The following NAGK variants were observed in gnomAD, a reference collection of about 807,000 sequenced individuals.
NAGK encodes the protein N-acetylglucosamine kinase.
NAGK carries 35 observed loss-of-function variants against 42.9 expected under a neutral mutation model. That is an observed-to-expected ratio of 0.82 (90% CI 0.62 to 1.08). The LOEUF is 1.08. NAGK is among the 50% of genes least tolerant of loss of function. The pLI is 0.00. For missense variants in NAGK, 446 were observed against 446.0 expected, an observed-to-expected ratio of 1.00 and a Z score of 0.00; for synonymous variants, 172 against 176.0, an observed-to-expected ratio of 0.98 and a Z score of 0.18.
At chr2:71,072,776 C>T (rs912821627) in intron 5 of NAGK, 25 bp downstream of exon 5, 3 of 1,589,532 alleles carry the variant, frequency 1.9e-6, no homozygotes, top group Non-Finnish European at 2.6e-6. Context: ...TGGCCCAGCT[C>T]CAGGTCCTGG....
intron 7 of NAGK, 110 bp from the exon 8 acceptor site, chr2:71,076,494 T>G: frequency 6.0e-6 from 5 of 834,054 alleles, no homozygotes; most frequent in Non-Finnish European, 9.5e-6. Context: ...AGTAGACTCC[T>G]AGCTCAGGGT....
rs527664533 is a variant in NAGK, at chr2:71,070,630, T to C, written c.114+44T>C. ...GGATCAGAGGGCTTGGTTCTGATTTTATTCTCTGTAATTCCTGTTGAGGTG... is the reference window on the plus strand; with the variant it reads ...GGATCAGAGGGCTTGGTTCTGATTTCATTCTCTGTAATTCCTGTTGAGGTG... On this transcript the variant is annotated intron_variant, in intron 2 of 9. Coordinates refer to ENST00000244204, the MANE Select transcript of NAGK (RefSeq NM_017567.6). The C allele has an allele frequency of 1.7e-5, 28 of 1,607,268 alleles. No individual in the cohort carries two copies. In the East Asian group the frequency reaches 6.2e-4, roughly 36 times the overall value.
upstream of NAGK, chr2:71,068,545 C>G: frequency 6.8e-7 from 1 of 1,475,128 alleles, no homozygotes; most frequent in Non-Finnish European, 9.0e-7. Flanking sequence ...CCGCCCCGCG[C>G]ATGCGCACGC....
At position 71,073,601 on chromosome 2, in the gene NAGK, C is replaced by A. The variant is rs370938067; in HGVS notation, c.579+7C>A. The A allele has an allele frequency of 1.5e-4, 242 of 1,599,176 alleles. 1 individual carries two copies. In the African/African-American group the frequency reaches 3.0e-3, roughly 20 times the overall value. ...CATGTTCCACTATTTCCAGGTACTC[C>A]TCCTGCTCCCAGTAAACATGCGCAC... On this transcript the variant is annotated splice_region_variant and intron_variant, in intron 6 of 9. Coordinates refer to ENST00000244204, the MANE Select transcript of NAGK (RefSeq NM_017567.6).
At position 71,072,635 on chromosome 2, in the gene NAGK, C is replaced by T; in HGVS notation, c.356-6C>T. 1.2e-6 allele frequency: 2 copies of T among 1,611,656 alleles called. No homozygotes were observed. The highest frequency in any genetic ancestry group is 8.5e-7 in the Non-Finnish European group (1 of 1,177,856). The stretch of plus-strand genomic sequence containing the variant: ...CCACACTGAGCCTCCTATTCCCTTT[C>T]CCCAGGTGGAGTTGTGCTCATATCT... On this transcript the variant is annotated splice_region_variant and splice_polypyrimidine_tract_variant and intron_variant, in intron 4 of 9. Transcript: ENST00000244204.
rs767029022 is a variant in NAGK at position 71,072,754 on chromosome 2, G to A, written c.466+3G>A. On this transcript the variant is annotated splice_donor_region_variant and intron_variant, in intron 5 of 9. Transcript: ENST00000244204. ...TATGATGGGTGATGAGGGTTCAGGTGAGCTCACTGACTGGCCCAGCTCCAG... is the reference window on the plus strand; with the variant it reads ...TATGATGGGTGATGAGGGTTCAGGTAAGCTCACTGACTGGCCCAGCTCCAG... The A allele has an allele frequency of 5.6e-6, 9 of 1,611,748 alleles. No individual in the cohort carries two copies. Among genetic ancestry groups the A allele is most frequent in the Non-Finnish European group, 7.6e-6 (9 of 1,178,288 alleles).
At chr2:71,071,451 T>C in intron 3 of NAGK, 1 of 552,844 alleles carries the variant, frequency 1.8e-6, no homozygotes, top group Admixed American at 3.3e-5. Context: ...CCTTCCAAGC[T>C]CCAAAGCTGG....
At chr2:71,070,644 C>G (rs560970140) in intron 2 of NAGK, 58 bp downstream of exon 2, 5 of 1,605,128 alleles carry the variant, frequency 3.1e-6, no homozygotes, top group Admixed American at 1.7e-5. Context: ...CTCTGTAATT[C>G]CTGTTGAGGT....
chr2:71,068,447 G>A (rs1384873311), upstream of NAGK: 7 of 1,372,530 alleles, frequency 5.1e-6, no homozygotes, highest in East Asian at 3.0e-5. Flanking sequence ...GGGAGGGGCC[G>A]CTGCGGACCG....
Position 71,078,543 on chromosome 2 carries a change from G to C in NAGK, c.*35G>C, listed in dbSNP as rs1283627077. The C allele has an allele frequency of 6.8e-7, 1 of 1,471,842 alleles. No individual in the cohort carries two copies. Among genetic ancestry groups the C allele is most frequent in the South Asian group, 1.4e-5 (1 of 72,444 alleles). 91.2% of individuals were successfully genotyped at this position (1,471,842 alleles called of 1,614,324 possible). On this transcript the variant is annotated 3_prime_UTR_variant, in exon 10 of 10. Coordinates refer to ENST00000244204, the MANE Select transcript of NAGK (RefSeq NM_017567.6). ...CCCGGCTCCACCCCCTCCAAGCTCAGTGGACACTGGGTCTGAAAGGAAGGA... is the reference window on the plus strand; with the variant it reads ...CCCGGCTCCACCCCCTCCAAGCTCACTGGACACTGGGTCTGAAAGGAAGGA...
chr2:71,068,520 G>C (rs993787670), upstream of NAGK: 26 of 1,452,346 alleles, frequency 1.8e-5, no homozygotes, highest in African/African-American at 3.0e-5. Context: ...GCCATCCCCG[G>C]CTCCTACCGG....
At chr2:71,076,918 TA>T (rs1464986144) in intron 8 of NAGK, among the ~76,000 whole-genome samples, 1 of 152,192 alleles carries the variant, frequency 6.6e-6, no homozygotes, top group East Asian at 1.9e-4. Context: ...TTATGTATAG[TA>T]AATTAGTTTA....
intron 2 of NAGK, 25 bp downstream of exon 2, chr2:71,070,611 G>T: frequency 6.2e-7 from 1 of 1,610,434 alleles, no homozygotes; most frequent in Non-Finnish European, 8.5e-7. Context: ...GAGGGGATCA[G>T]AGGGCTTGGT....
chr2:71,077,424 T>C lies in NAGK; in HGVS notation c.766-134T>C, dbSNP rs955348052. ...TTTTCCTCCCTTTTTTTTTCCCCTT[T>C]CCTGAGTCTGTCTACTGTTTCTTGG... On this transcript the variant is annotated intron_variant, in intron 8 of 9. Coordinates refer to ENST00000244204, the MANE Select transcript of NAGK (RefSeq NM_017567.6). 3 of 790,338 alleles carry C rather than the reference T, an allele frequency of 3.8e-6. No homozygotes were observed. The African/African-American group carries it at 5.2e-5, about 14-fold the overall frequency. The allele number at this position is 790,338 out of a possible 1,614,324, so 49.0% of individuals were successfully genotyped here. A position where few individuals can be genotyped will look rare whatever the true frequency, so the allele number is the denominator to read the frequency against.
chr2:71,077,136 C>T (rs1419252935), intron 8 of NAGK, among the ~76,000 whole-genome samples: 7 of 152,016 alleles, frequency 4.6e-5, no homozygotes, highest in Admixed American at 2.0e-4. Context: ...TCACCATGGC[C>T]GGCTAATTTT....
chr2:71,074,383 G>A (rs1431532737), intron 6 of NAGK, among the ~76,000 whole-genome samples: 1 of 152,160 alleles, frequency 6.6e-6, no homozygotes, highest in African/African-American at 2.4e-5. Flanking sequence ...GAGGGGACCA[G>A]GAAGAGAAAT....
chr2:71,069,785 A>G (rs868759458), intron 1 of NAGK: 1 of 154,572 alleles, frequency 6.5e-6, no homozygotes, highest in South Asian at 2.0e-4. Flanking sequence ...GCCATTCCTA[A>G]AAGTAATGAT....
chr2:71,073,507 G>GA lies in NAGK; in HGVS notation c.496dup (p.Ile166AsnfsTer4). On this transcript the variant is annotated frameshift_variant, in exon 6 of 10. Transcript: ENST00000244204. LOFTEE classifies it high-confidence loss of function. ...CCTACTGGATCGCACACCAAGCAGTGAAAATAGTGTTTGACTCCATTGACA... is the reference window on the plus strand; with the variant it reads ...CCTACTGGATCGCACACCAAGCAGTGAAAAATAGTGTTTGACTCCATTGACA... 6.2e-7 allele frequency: 1 copy of GA among 1,614,160 alleles called. No individual in the cohort carries two copies. Among genetic ancestry groups the GA allele is most frequent in the Non-Finnish European group, 8.5e-7 (1 of 1,180,010 alleles).
At chr2:71,071,400 C>G (rs1285009126) in intron 3 of NAGK, 7 of 416,040 alleles carry the variant, frequency 1.7e-5, no homozygotes, top group Non-Finnish European at 2.6e-5. Flanking sequence ...CTCCCCTCAC[C>G]TTGCCCCGCT....
Sources: allele counts gnomAD v4.1 joint callset (sites outside exome capture counted in the v4.1 genomes callset), GRCh38; gene constraint gnomAD v4.1.1; transcripts MANE v1.5; gene names NCBI Gene and HGNC (gene_info 2026-07-23, HGNC 2026-07-21).